SH3RF2: variants seen among roughly 807,000 people sequenced by gnomAD.
SH3RF2 encodes SH3 domain containing ring finger 2.
A neutral mutation model predicts 59.0 loss-of-function variants in SH3RF2; 43 were observed. The ratio of observed to expected loss-of-function variants is 0.73; its 90% confidence interval spans 0.57 to 0.94. The LOEUF is 0.94. Among genes scored for constraint, SH3RF2 ranks in the 40% least tolerant of loss-of-function variants. The probability of loss-of-function intolerance (pLI) is 0.00; values close to 1 mark genes in which losing one functional copy is unlikely to be tolerated. For missense variants in SH3RF2, 930 were observed against 940.1 expected (o/e 0.99, Z 0.14); for synonymous variants, 391 against 391.5 (o/e 1.00, Z 0.01).
At chr5:146,029,387 A>G (rs867575898) in intron 5 of SH3RF2, among the ~76,000 whole-genome samples, 1 of 152,228 alleles carries the variant, frequency 6.6e-6, no homozygotes, top group Non-Finnish European at 1.5e-5. Flanking sequence ...ATTCTGGGAC[A>G]GCAACCAGAC....
intron 1 of SH3RF2, 130 bp from the exon 2 acceptor site, chr5:145,937,693 G>A (rs1757646895): frequency 7.3e-6 from 4 of 551,090 alleles, no homozygotes; most frequent in African/African-American, 5.7e-5. Flanking sequence ...ATCAGAATGA[G>A]TCATTTGAAA....
At chr5:146,007,825 A>G (rs1230125427) in intron 4 of SH3RF2, among the ~76,000 whole-genome samples, 2 of 152,200 alleles carry the variant, frequency 1.3e-5, no homozygotes, top group Non-Finnish European at 2.9e-5. Flanking sequence ...TCTAATCTGG[A>G]AACCTGATTT....
chr5:145,985,752 C>A (rs889466748), intron 2 of SH3RF2, among the ~76,000 whole-genome samples: 1 of 152,094 alleles, frequency 6.6e-6, no homozygotes, highest in Non-Finnish European at 1.5e-5. Flanking sequence ...GTGGCTCATG[C>A]CTATAATCCC....
chr5:146,052,409 G>C (rs1409319977), intron 7 of SH3RF2, among the ~76,000 whole-genome samples: 2 of 152,150 alleles, frequency 1.3e-5, no homozygotes, highest in East Asian at 3.8e-4. Context: ...ATGCCTACAT[G>C]TCAGGCAACA....
At chr5:145,987,070 T>G (rs773437276) in intron 2 of SH3RF2, among the ~76,000 whole-genome samples, 13 of 152,188 alleles carry the variant, frequency 8.5e-5, no homozygotes, top group Non-Finnish European at 1.5e-4. Flanking sequence ...GAGCCTATGA[T>G]GTCTTAGCAT....
chr5:146,073,086 C>T (rs1288149480), intron 9 of SH3RF2, among the ~76,000 whole-genome samples: 2 of 152,230 alleles, frequency 1.3e-5, no homozygotes, highest in Admixed American at 6.5e-5. Flanking sequence ...CCAGGGCAAC[C>T]GTTAGCAAAG....
rs1243304802 is a variant in SH3RF2, at chr5:146,002,529, G to GAAGA, written c.649-1526_649-1525insAAAG. On this transcript the variant is annotated intron_variant, in intron 3 of 9. Transcript: ENST00000359120. ...GGAAGGAAGGAAGGAAGGAAGGAAG[G>GAAGA]AAGGAAGGATAACCTATAAATGCAT... Among the ~76,000 whole-genome samples the GAAGA allele has an allele frequency of 3.9e-4, 56 of 144,226 alleles. 1 individual carries two copies. Among genetic ancestry groups the GAAGA allele is most frequent in the African/African-American group, 1.4e-3 (53 of 36,858 alleles). 94.6% of individuals were successfully genotyped at this position (144,226 alleles called of 152,430 possible). A position where few individuals can be genotyped will look rare whatever the true frequency, so the allele number is the denominator to read the frequency against.
At chr5:145,956,157 G>A (rs775913427) in intron 2 of SH3RF2, among the ~76,000 whole-genome samples, 3 of 152,314 alleles carry the variant, frequency 2.0e-5, no homozygotes, top group East Asian at 1.9e-4. Context: ...GCTGGTCCTC[G>A]AACCACGCCC....
chr5:145,989,093 G>A (rs556741818), intron 2 of SH3RF2, among the ~76,000 whole-genome samples: 34 of 152,262 alleles, frequency 2.2e-4, no homozygotes, highest in Admixed American at 6.5e-4. Flanking sequence ...CCCAAGACAC[G>A]TGGGCTCTTC....
At chr5:146,063,416 C>G (rs1762968865), downstream of SH3RF2, 1 of 152,198 alleles carries the variant, frequency 6.6e-6, no homozygotes, top group Non-Finnish European at 1.5e-5. Context: ...AATAGATAAG[C>G]AGAAAGCATG....
At chr5:145,946,348 C>G (rs771971295) in intron 2 of SH3RF2, among the ~76,000 whole-genome samples, 33 of 152,162 alleles carry the variant, frequency 2.2e-4, no homozygotes, top group Non-Finnish European at 4.7e-4. Flanking sequence ...ATACTGTGCT[C>G]AGAGCACCCA....
Position 146,013,871 on chromosome 5 carries a change from G to C in SH3RF2, c.869G>C (p.Gly290Ala), listed in dbSNP as rs1000131413. The C allele has an allele frequency of 6.2e-7, 1 of 1,614,142 alleles. No individual in the cohort carries two copies. Among genetic ancestry groups the C allele is most frequent in the Non-Finnish European group, 8.5e-7 (1 of 1,180,022 alleles). Residue 290 changes from glycine to alanine, a missense_variant, in exon 5 of 10, where the codon GGG becomes GCG. Transcript: ENST00000359120. ...ACGTCTACCCTCCGTAGGGGCCCAGGGTCCAGGAGGAAGGTGCCTGGGCAG... is the reference window on the plus strand; with the variant it reads ...ACGTCTACCCTCCGTAGGGGCCCAGCGTCCAGGAGGAAGGTGCCTGGGCAG... ...GNTSTLRRGP[G>A]SRRKVPGQFS...
intron 5 of SH3RF2, among the ~76,000 whole-genome samples, chr5:146,018,752 T>C (rs774789036): frequency 5.9e-5 from 9 of 152,158 alleles, no homozygotes; most frequent in Non-Finnish European, 1.2e-4. Flanking sequence ...CCACCAGCAG[T>C]GTTTAAGCGC....
intron 7 of SH3RF2, among the ~76,000 whole-genome samples, chr5:146,054,168 T>A (rs1762590163): frequency 6.6e-6 from 1 of 152,144 alleles, no homozygotes. Context: ...GCTAGATAAG[T>A]GCTGAGCTTT....
intron 5 of SH3RF2, among the ~76,000 whole-genome samples, chr5:146,039,516 G>T (rs1414560901): frequency 6.6e-6 from 1 of 151,772 alleles, no homozygotes; most frequent in Non-Finnish European, 1.5e-5. Flanking sequence ...AAGCTCACTG[G>T]TACTCAGAGA....
At chr5:146,000,368 T>C (rs372926593) in intron 3 of SH3RF2, 41 bp downstream of exon 3, 114 of 1,587,002 alleles carry the variant, frequency 7.2e-5, no homozygotes, top group Non-Finnish European at 8.6e-5. Context: ...TGGGACCACG[T>C]AGAGACCATA....
chr5:145,965,739 A>G (rs1322069216), intron 2 of SH3RF2, among the ~76,000 whole-genome samples: 2 of 152,226 alleles, frequency 1.3e-5, no homozygotes, highest in Non-Finnish European at 2.9e-5. Context: ...CATTGGGTAT[A>G]TAGTGCAGAA....
chr5:146,056,089 G>T lies in SH3RF2; in HGVS notation c.1431G>T (p.Arg477=). The T allele has an allele frequency of 6.2e-7, 1 of 1,614,194 alleles. No homozygotes were observed. The highest frequency in any genetic ancestry group is 8.5e-7 in the Non-Finnish European group (1 of 1,180,040). ...GCAGCATTTCAGAAGGTGATCCACG[G>T]CAAAGCCGTCCCTTCAAATCCGTCT... ...SQGSISEGDP[R]QSRPFKSVFV... Residue 477 remains arginine (R), a synonymous_variant, in exon 8 of 10, where the codon CGG becomes CGT. Transcript: ENST00000359120.
intron 5 of SH3RF2, among the ~76,000 whole-genome samples, chr5:146,026,490 C>A (rs248773): frequency 0.29 from 44,109 of 152,112 alleles, 7,809 homozygotes; most frequent in Non-Finnish European, 0.38. Flanking sequence ...TGGCTAACAG[C>A]ACACTCTGAA....
Sources: gnomAD v4.1 joint callset for allele counts (sites outside exome capture counted in the v4.1 genomes callset) on GRCh38, gnomAD v4.1.1 for gene constraint, MANE v1.5 for transcripts, NCBI Gene and HGNC (gene_info 2026-07-23, HGNC 2026-07-21) for gene names.